Variants in SDK1 observed in about 807,000 individuals in gnomAD.
The protein encoded by SDK1 is sidekick cell adhesion molecule 1, also known as protein sidekick-1.
Under a neutral mutation model 245.5 loss-of-function variants are expected in SDK1, and 157 were observed. The observed-to-expected ratio is 0.64, with a 90% confidence interval of 0.56 to 0.73. The LOEUF is 0.73. Ranked by LOEUF, SDK1 falls within the 30% of genes least tolerant of loss-of-function variation. The pLI, the probability that SDK1 is intolerant of heterozygous loss-of-function variation, is 0.00. For missense variants in SDK1, 3,583 were observed against 3,002.3 expected, an observed-to-expected ratio of 1.19 and a Z score of -4.52; for synonymous variants, 1,647 against 1,278.5, an observed-to-expected ratio of 1.29 and a Z score of -6.15.
chr7:4,265,496 A>G lies in SDK1; in HGVS notation c.*112A>G. 2 of 1,371,834 alleles carry G rather than the reference A, an allele frequency of 1.5e-6. No individual in the cohort carries two copies. Among genetic ancestry groups the G allele is most frequent in the South Asian group, 3.5e-5 (2 of 56,580 alleles). The allele number at this position is 1,371,834 out of a possible 1,614,324, so 85.0% of individuals were successfully genotyped here. A position where few individuals can be genotyped will look rare whatever the true frequency, so the allele number is the denominator to read the frequency against. ...CTGAAGTTTTTGTTTAAAAAGAAAA[A>G]AATCTGATAAGTGATGATTTTACCT... On this transcript the variant is annotated 3_prime_UTR_variant, in exon 45 of 45. Coordinates refer to ENST00000404826, the MANE Select transcript of SDK1 (RefSeq NM_152744.4).
intron 44 of SDK1, among the ~76,000 whole-genome samples, chr7:4,248,807 A>G (rs1232689444): frequency 1.3e-5 from 2 of 152,134 alleles, no homozygotes; most frequent in Non-Finnish European, 2.9e-5. Flanking sequence ...ACCTAAACAC[A>G]TGCACACAGG....
chr7:4,023,671 T>G (rs1583859385), intron 17 of SDK1, among the ~76,000 whole-genome samples: 2 of 152,240 alleles, frequency 1.3e-5, no homozygotes, highest in Admixed American at 6.5e-5. Context: ...AGTGTTTACT[T>G]CAGCAACTTT....
At chr7:3,549,149 C>T (rs1449974672) in intron 1 of SDK1, among the ~76,000 whole-genome samples, 2 of 152,210 alleles carry the variant, frequency 1.3e-5, no homozygotes, top group African/African-American at 2.4e-5. Context: ...AGGCTTCCTC[C>T]TGTCTTTGTT....
intron 19 of SDK1, among the ~76,000 whole-genome samples, chr7:4,060,381 C>T (rs1299924588): frequency 1.3e-5 from 2 of 152,176 alleles, no homozygotes; most frequent in Non-Finnish European, 2.9e-5. Context: ...TCAGAGCAGA[C>T]CTAATGAAAC....
intron 1 of SDK1, among the ~76,000 whole-genome samples, chr7:3,584,757 G>A (rs891061005): frequency 4.0e-5 from 6 of 148,282 alleles, no homozygotes; most frequent in Non-Finnish European, 5.9e-5. Context: ...ATGGAGTCTC[G>A]CTGTCCCCCA....
chr7:3,705,515 T>C (rs533560199), intron 4 of SDK1, among the ~76,000 whole-genome samples: 60 of 150,462 alleles, frequency 4.0e-4, no homozygotes, highest in African/African-American at 1.4e-3. Flanking sequence ...TTTTGCAGCT[T>C]TTGTAAAAGG....
intron 1 of SDK1, among the ~76,000 whole-genome samples, chr7:3,404,352 G>T (rs1778996773): frequency 6.6e-6 from 1 of 152,156 alleles, no homozygotes; most frequent in South Asian, 2.1e-4. Context: ...CCGGTGTATG[G>T]CTTTGTCATT....
chr7:3,394,431 G>C (rs1781840978), intron 1 of SDK1, among the ~76,000 whole-genome samples: 1 of 151,934 alleles, frequency 6.6e-6, no homozygotes, highest in Non-Finnish European at 1.5e-5. Context: ...TTTGATCACT[G>C]TACCTTTATA....
intron 4 of SDK1, among the ~76,000 whole-genome samples, chr7:3,742,448 G>A (rs1366669037): frequency 6.6e-6 from 1 of 152,136 alleles, no homozygotes; most frequent in East Asian, 1.9e-4. Context: ...CTGGAGATGA[G>A]AGGACACCAG....
chr7:3,659,399 C>G (rs1025203830), intron 4 of SDK1, among the ~76,000 whole-genome samples: 10 of 152,280 alleles, frequency 6.6e-5, no homozygotes, highest in Admixed American at 2.6e-4. Context: ...ACCCTGTCCA[C>G]AGATATAATA....
At chr7:3,744,815 AAAAC>A (rs1384187278) in intron 4 of SDK1, among the ~76,000 whole-genome samples, 20 of 152,214 alleles carry the variant, frequency 1.3e-4, no homozygotes, top group Admixed American at 3.3e-4. Context: ...CCATCTCAAA[AAAAC>A]AAACAAACAA....
intron 2 of SDK1, among the ~76,000 whole-genome samples, chr7:3,624,618 G>A (rs1782054681): frequency 1.3e-5 from 2 of 152,140 alleles, no homozygotes; most frequent in South Asian, 4.1e-4. Context: ...AACATTAAGT[G>A]AATAATGGGG....
chr7:3,967,122 A>C (rs898960502), intron 9 of SDK1, among the ~76,000 whole-genome samples, 196 bp from the exon 10 acceptor site: 6 of 152,146 alleles, frequency 3.9e-5, no homozygotes, highest in African/African-American at 1.4e-4. Flanking sequence ...TTTTCTCTCC[A>C]GGTTGTAAAC....
chr7:3,984,169 T>G (rs10216167), intron 13 of SDK1, among the ~76,000 whole-genome samples: 2 of 151,910 alleles, frequency 1.3e-5, no homozygotes, highest in East Asian at 3.9e-4. Flanking sequence ...CCACTCTGAC[T>G]AGAATCACAT....
chr7:3,800,706 C>G (rs1779086870), intron 4 of SDK1, among the ~76,000 whole-genome samples: 1 of 152,090 alleles, frequency 6.6e-6, no homozygotes, highest in African/African-American at 2.4e-5. Flanking sequence ...GTACTGTTTT[C>G]TCTGCCATCA....
chr7:4,241,868 G>A lies in SDK1; in HGVS notation c.6206G>A (p.Arg2069His), dbSNP rs146563752. Residue 2069 changes from arginine to histidine, a missense_variant, in exon 43 of 45, where the codon CGC becomes CAC. Arg to His is a conservative substitution (Grantham distance 29). Transcript: ENST00000404826. Reference protein sequence around the residue: ...GGFAALELSSRHLNVKSTFSK... With the variant: ...GGFAALELSSHHLNVKSTFSK... ...TTTGCTGCCCTGGAGCTCAGCAGCC[G>A]CCACCTCAATGTCAAGAGCACCTTC... is the stretch of plus-strand genomic sequence containing the variant. 66 of 1,613,940 alleles carry A rather than the reference G, an allele frequency of 4.1e-5. No individual in the cohort carries two copies. The African/African-American group carries it at 5.2e-4, about 13-fold the overall frequency.
chr7:3,641,420 C>T (rs1782643484), intron 3 of SDK1, among the ~76,000 whole-genome samples: 1 of 152,016 alleles, frequency 6.6e-6, no homozygotes, highest in Admixed American at 6.6e-5. Flanking sequence ...CAGATTAAGT[C>T]AACAGTATGA....
intron 1 of SDK1, among the ~76,000 whole-genome samples, chr7:3,376,049 G>A (rs11972733): frequency 0.086 from 13,128 of 152,138 alleles, 780 homozygotes; most frequent in African/African-American, 0.16. Context: ...AATTCCAGAT[G>A]TGCTGGGCAT....
intron 1 of SDK1, among the ~76,000 whole-genome samples, chr7:3,442,935 A>G (rs1386033974): frequency 6.6e-6 from 1 of 152,150 alleles, no homozygotes; most frequent in Non-Finnish European, 1.5e-5. Context: ...TTCATTTAAA[A>G]ACTAATTTCT....
Sources: allele counts gnomAD v4.1 joint callset (sites outside exome capture counted in the v4.1 genomes callset), GRCh38; gene constraint gnomAD v4.1.1; transcripts MANE v1.5; gene names NCBI Gene and HGNC (gene_info 2026-07-23, HGNC 2026-07-21).